SLC8B1: variants seen among roughly 807,000 people sequenced by gnomAD.
The protein encoded by SLC8B1 is solute carrier family 8 member B1, also known as mitochondrial sodium/calcium exchanger protein.
In SLC8B1, 52 loss-of-function variants were observed where a neutral mutation model predicts 63.4. That is an observed-to-expected ratio of 0.82 (90% CI 0.66 to 1.03). The LOEUF is 1.03. Ranked by LOEUF, SLC8B1 falls within the 50% of genes least tolerant of loss-of-function variation. The pLI is 0.00. For synonymous variants in SLC8B1, 336 were observed against 323.9 expected (o/e 1.04, Z -0.40); for missense variants, 657 against 741.7 (o/e 0.89, Z 1.33).
chr12:113,299,751 G>A lies in SLC8B1; in HGVS notation c.*26C>T. 3 of 1,612,014 alleles carry A rather than the reference G, an allele frequency of 1.9e-6. No homozygotes were observed. Among genetic ancestry groups the A allele is most frequent in the South Asian group, 2.2e-5 (2 of 90,930 alleles). The stretch of plus-strand genomic sequence containing the variant: ...GAGGGGCGGGGCTCCTGCCTGCAGT[G>A]AGGCCACAGCACTAAGCGGCTTCAG... On this transcript the variant is annotated 3_prime_UTR_variant, in exon 16 of 16. Transcript: ENST00000680972.
intron 15 of SLC8B1, among the ~76,000 whole-genome samples, chr12:113,303,209 GA>G: frequency 6.6e-6 from 1 of 152,022 alleles, no homozygotes; most frequent in South Asian, 2.1e-4. Context: ...TCATTACCTG[GA>G]ACTACCCTAG....
chr12:113,317,111 G>C, intron 8 of SLC8B1, 110 bp from the exon 9 acceptor site: 1 of 930,310 alleles, frequency 1.1e-6, no homozygotes, highest in East Asian at 2.6e-5. Context: ...TATTTACTTA[G>C]TTATTTGGGA....
At chr12:113,300,574 T>A (rs1347897050) in intron 15 of SLC8B1, among the ~76,000 whole-genome samples, 1 of 152,230 alleles carries the variant, frequency 6.6e-6, no homozygotes, top group Non-Finnish European at 1.5e-5. Flanking sequence ...TAAGGAAGAC[T>A]GGCCTGCAGC....
At chr12:113,308,401 A>T (rs1194150892) in intron 12 of SLC8B1, 1 of 152,564 alleles carries the variant, frequency 6.6e-6, no homozygotes, top group Non-Finnish European at 1.5e-5. Context: ...CTAAAAAAAA[A>T]TATTATTTTG....
intron 15 of SLC8B1, among the ~76,000 whole-genome samples, chr12:113,303,289 C>G (rs1265374652): frequency 6.6e-6 from 1 of 152,142 alleles, no homozygotes; most frequent in Non-Finnish European, 1.5e-5. Context: ...GGGTGTTTAC[C>G]TTTCAGAAAA....
chr12:113,301,063 G>C (rs1956580727), intron 15 of SLC8B1, among the ~76,000 whole-genome samples: 1 of 152,052 alleles, frequency 6.6e-6, no homozygotes, highest in Non-Finnish European at 1.5e-5. Context: ...TTGAACCTGG[G>C]AGGTGGAGGC....
At chr12:113,303,369 G>C (rs960102354) in intron 15 of SLC8B1, among the ~76,000 whole-genome samples, 1 of 152,118 alleles carries the variant, frequency 6.6e-6, no homozygotes, top group Non-Finnish European at 1.5e-5. Flanking sequence ...CCCTGCCCCC[G>C]GCTAACAGGC....
At chr12:113,304,486 ACT>A in intron 14 of SLC8B1, 101 bp from the exon 15 acceptor site, 1 of 1,107,434 alleles carries the variant, frequency 9.0e-7, no homozygotes, top group Non-Finnish European at 1.3e-6. Context: ...TTGGGATGCC[ACT>A]GCAAGAATGA....
chr12:113,321,367 G>A lies in SLC8B1; in HGVS notation c.157-19C>T. 1.2e-6 allele frequency: 2 copies of A among 1,614,030 alleles called. No homozygotes were observed. Among genetic ancestry groups the A allele is most frequent in the East Asian group, 2.2e-5 (1 of 44,878 alleles). ...TGCGGCACTGCAGGAAGACAGGGAG[G>A]GGGACATCAGCGGCAGAGACTTCCC... On this transcript the variant is annotated intron_variant, in intron 2 of 15. Transcript: ENST00000680972.
rs551692634 is a variant in SLC8B1 at position 113,304,352 on chromosome 12, A to G, written c.1526T>C (p.Leu509Pro). ...ILVGVGLGCL[L>P]QISRSHTEVK... is the part of the protein sequence containing the mutation. ...TTCTGTGTGGCTTCGGGAGATCTGG[A>G]GCAGGCAGCCCAGCCCCACACCCAC... is the stretch of plus-strand genomic sequence containing the variant. The change falls in exon 15 of 16, where the codon CTC (leucine) becomes CCC (proline). Residue 509 changes from leucine (L) to proline (P), a missense_variant. Leu to Pro is a moderately conservative substitution (Grantham distance 98). Transcript: ENST00000680972. The G allele has an allele frequency of 1.9e-6, 3 of 1,614,034 alleles. No individual in the cohort carries two copies. The highest frequency in any genetic ancestry group is 2.7e-5 in the African/African-American group (2 of 75,046).
chr12:113,304,439 C>G, intron 14 of SLC8B1, 54 bp from the exon 15 acceptor site: 2 of 1,516,112 alleles, frequency 1.3e-6, no homozygotes, highest in Non-Finnish European at 1.8e-6. Flanking sequence ...AACCCAACCA[C>G]ATAGCCCGTT....
intron 2 of SLC8B1, among the ~76,000 whole-genome samples, chr12:113,324,164 T>C (rs1956965276): frequency 6.6e-6 from 1 of 151,870 alleles, no homozygotes; most frequent in African/African-American, 2.4e-5. Context: ...AATTTAAAAA[T>C]GAGCCAGGCA....
chr12:113,304,953 T>TC (rs1593237710), intron 14 of SLC8B1, among the ~76,000 whole-genome samples: 1 of 152,126 alleles, frequency 6.6e-6, no homozygotes, highest in Non-Finnish European at 1.5e-5. Flanking sequence ...TATGCCCAAC[T>TC]CCCCCAAACA....
Position 113,305,396 on chromosome 12 carries a change from G to C in SLC8B1, c.1493-1011C>G, listed in dbSNP as rs939864561. Among the ~76,000 whole-genome samples, 11 of 152,234 alleles carry C rather than the reference G, an allele frequency of 7.2e-5. No individual in the cohort carries two copies. Among genetic ancestry groups the C allele is most frequent in the Admixed American group, 7.2e-4 (11 of 15,282 alleles). Reference sequence around the variant, plus strand: ...CAGCCCCTGGTGAGGCTCTGTCATCGTGGAGCCTGGAGAGAGCGGCCCTTC... The same window carrying C: ...CAGCCCCTGGTGAGGCTCTGTCATCCTGGAGCCTGGAGAGAGCGGCCCTTC... On this transcript the variant is annotated intron_variant, in intron 14 of 15. Transcript: ENST00000680972. This position sits in a 1 kb window ranked among gnomAD's most constrained non-coding sequence, Gnocchi z 4.3.
chr12:113,316,207 T>C lies in SLC8B1; in HGVS notation c.993+319A>G, dbSNP rs540071019. ...CCACTGCACACTCCAGCCTGGGCAA[T>C]AGAGCGAAACTCTGTCTCAAAAAAA... On this transcript the variant is annotated intron_variant, in intron 10 of 15. Transcript: ENST00000680972. 1.4e-3 allele frequency among the ~76,000 whole-genome samples: 204 copies of C among 149,520 alleles called. 2 individuals carry two copies. The highest frequency in any genetic ancestry group is 4.7e-3 in the African/African-American group (190 of 40,546).
chr12:113,319,961 T>G, intron 7 of SLC8B1: 1 of 191,012 alleles, frequency 5.2e-6, no homozygotes, highest in East Asian at 1.4e-4. Context: ...CCCAGCTAAG[T>G]TTTTTCTTTT....
rs1182894725 is a variant in SLC8B1, at chr12:113,299,598, C to A, written c.*179G>T. ...CCACGGCAAGGCTGTTGGGTGCTGG[C>A]AGCAAGAGGTACACAGCAGTTCTCC... On this transcript the variant is annotated 3_prime_UTR_variant, in exon 16 of 16. Coordinates refer to ENST00000680972, the MANE Select transcript of SLC8B1 (RefSeq NM_001358345.2). The A allele has an allele frequency of 6.4e-6, 4 of 628,376 alleles. No homozygotes were observed. Among genetic ancestry groups the A allele is most frequent in the Non-Finnish European group, 1.1e-5 (4 of 356,198 alleles). The allele number at this position is 628,376 out of a possible 1,614,324, so 38.9% of individuals were successfully genotyped here. A position where few individuals can be genotyped will look rare whatever the true frequency, so the allele number is the denominator to read the frequency against.
intron 11 of SLC8B1, among the ~76,000 whole-genome samples, chr12:113,313,435 G>C (rs1230140204): frequency 6.6e-6 from 1 of 151,972 alleles, no homozygotes; most frequent in Admixed American, 6.6e-5. Flanking sequence ...ACAACGAGCT[G>C]ATTTAAGAAA....
Position 113,321,177 on chromosome 12 carries a change from C to T in SLC8B1, c.309+19G>A, listed in dbSNP as rs1481351830. ...GAGACACCAGCCCCTCTCACCAGCC[C>T]CCCAGGGCAGGGCCTCACGTAGAGA... On this transcript the variant is annotated intron_variant, in intron 3 of 15. Coordinates refer to ENST00000680972, the MANE Select transcript of SLC8B1 (RefSeq NM_001358345.2). The T allele has an allele frequency of 6.2e-7, 1 of 1,614,000 alleles. No individual in the cohort carries two copies. Among genetic ancestry groups the T allele is most frequent in the Admixed American group, 1.7e-5 (1 of 60,012 alleles).
Sources: gnomAD v4.1 joint callset for allele counts (sites outside exome capture counted in the v4.1 genomes callset) on GRCh38, gnomAD v4.1.1 for gene constraint, Gnocchi (gnomAD v3.1) non-coding constraint, MANE v1.5 for transcripts, NCBI Gene and HGNC (gene_info 2026-07-23, HGNC 2026-07-21) for gene names.